Variants in NEMP1 observed in about 807,000 individuals in gnomAD.
NEMP1 encodes nuclear envelope integral membrane protein 1, also known as transmembrane protein 194.
NEMP1 carries 29 observed loss-of-function variants against 53.7 expected under a neutral mutation model. That is an observed-to-expected ratio of 0.54 (90% CI 0.40 to 0.74). NEMP1 has a LOEUF of 0.74. Among genes scored for constraint, NEMP1 ranks in the 30% least tolerant of loss-of-function variants. NEMP1 has a pLI of 0.00. For synonymous variants in NEMP1, 193 were observed against 192.9 expected (o/e 1.00, Z 0.00); for missense variants, 477 against 528.6 (o/e 0.90, Z 0.96).
chr12:57,067,646 T>C (rs1168484489), intron 4 of NEMP1, among the ~76,000 whole-genome samples: 1 of 152,152 alleles, frequency 6.6e-6, no homozygotes, highest in Non-Finnish European at 1.5e-5. Flanking sequence ...TGCCCAAAAC[T>C]TGAGGTCAGA....
At chr12:57,079,588 T>A (rs2136523537), upstream of NEMP1, among the ~76,000 whole-genome samples, 1 of 152,308 alleles carries the variant, frequency 6.6e-6, no homozygotes, top group Non-Finnish European at 1.5e-5. Flanking sequence ...ATTCAATGAT[T>A]TAACACAGGG....
At chr12:57,072,944 C>T in intron 1 of NEMP1, 32 bp from the exon 2 acceptor site, 1 of 1,584,680 alleles carries the variant, frequency 6.3e-7, no homozygotes, top group Non-Finnish European at 8.6e-7. Context: ...AAGAATTAAA[C>T]ATAACAAGCT....
chr12:57,074,353 G>A (rs913787821), intron 1 of NEMP1, among the ~76,000 whole-genome samples: 1 of 145,726 alleles, frequency 6.9e-6, no homozygotes, highest in African/African-American at 2.6e-5. Context: ...ATACAGTGGT[G>A]CGATCTTGGC....
At chr12:57,065,747 C>T (rs1446452530) in intron 4 of NEMP1, among the ~76,000 whole-genome samples, 2 of 151,756 alleles carry the variant, frequency 1.3e-5, no homozygotes, top group Non-Finnish European at 2.9e-5. Context: ...GTGATCTGCC[C>T]GCCTCAGCCT....
chr12:57,086,861 G>A (rs1314582325), intron 1 of NEMP1, among the ~76,000 whole-genome samples: 2 of 152,226 alleles, frequency 1.3e-5, no homozygotes, highest in African/African-American at 2.4e-5. Flanking sequence ...ATAATCTCGG[G>A]TACAGAGACA....
At chr12:57,060,241 G>A (rs2031736588) in intron 8 of NEMP1, among the ~76,000 whole-genome samples, 182 bp from the exon 9 acceptor site, 1 of 152,182 alleles carries the variant, frequency 6.6e-6, no homozygotes, top group Admixed American at 6.5e-5. Context: ...AGGAGAAAAG[G>A]AAAGCTGGGA....
upstream of NEMP1, among the ~76,000 whole-genome samples, chr12:57,079,949 A>ATTGTTG (rs747167133): frequency 1.7e-4 from 26 of 151,160 alleles, no homozygotes; most frequent in African/African-American, 5.6e-4. Flanking sequence ...TGTTTGTTTC[A>ATTGTTG]TTGTTGTTGT....
rs2136471235 is a variant in NEMP1, at chr12:57,056,067, G to A, written c.*3812C>T. The A allele has an allele frequency of 6.6e-6, 1 of 152,328 alleles. No homozygotes were observed. The highest frequency in any genetic ancestry group is 1.9e-4 in the East Asian group (1 of 5,188). The allele number at this position is 152,328 out of a possible 1,614,324, so 9.4% of individuals were successfully genotyped here. Reference sequence around the variant, plus strand: ...CATCAAGAGTGTGAAAGAGGAAGATGACACACACGTGGGATGGTGTGGAAA... The same window carrying A: ...CATCAAGAGTGTGAAAGAGGAAGATAACACACACGTGGGATGGTGTGGAAA... On this transcript the variant is annotated 3_prime_UTR_variant, in exon 9 of 9. Transcript: ENST00000300128.
intron 4 of NEMP1, 76 bp downstream of exon 4, chr12:57,069,158 T>C (rs1463462888): frequency 1.0e-6 from 1 of 973,928 alleles, no homozygotes; most frequent in Non-Finnish European, 1.5e-6. Context: ...GGAATGGCAG[T>C]ACTTAATAGT....
At chr12:57,061,422 A>C (rs1030255300) in intron 7 of NEMP1, among the ~76,000 whole-genome samples, 5 of 152,186 alleles carry the variant, frequency 3.3e-5, no homozygotes, top group Non-Finnish European at 2.9e-5. Context: ...AGCCAGGCAC[A>C]GTGGCTCACG....
chr12:57,078,162 G>A (rs917884649), intron 1 of NEMP1, among the ~76,000 whole-genome samples: 2 of 152,138 alleles, frequency 1.3e-5, no homozygotes, highest in Non-Finnish European at 2.9e-5. Flanking sequence ...AACTACATCC[G>A]TTCTGCCACC....
chr12:57,070,801 A>C lies in NEMP1; in HGVS notation c.345T>G (p.Phe115Leu), dbSNP rs771117321. ...ATTTCTCTTTTAAAAAGGAGGAAAA[A>C]AAGTTCCAGATACTAAACTGCTCTA... ...KELEQFSIWN[F>L]FSSFLKEKLN... is the part of the protein sequence containing the mutation. The change falls in exon 3 of 9, where the codon TTT becomes TTG. Residue 115 changes from phenylalanine (F) to leucine (L), a missense_variant. Coordinates refer to ENST00000300128, the MANE Select transcript of NEMP1 (RefSeq NM_001130963.2). The C allele has an allele frequency of 6.2e-7, 1 of 1,613,958 alleles. No individual in the cohort carries two copies. The highest frequency in any genetic ancestry group is 1.1e-5 in the South Asian group (1 of 91,038).
upstream of NEMP1, among the ~76,000 whole-genome samples, chr12:57,088,351 C>T (rs1359777233): frequency 6.6e-6 from 1 of 152,202 alleles, no homozygotes; most frequent in Admixed American, 6.5e-5. Flanking sequence ...GCGACCCCCT[C>T]AGATTATTCC....
chr12:57,069,557 A>G (rs1194874677), intron 3 of NEMP1, among the ~76,000 whole-genome samples: 2 of 152,146 alleles, frequency 1.3e-5, no homozygotes, highest in Non-Finnish European at 2.9e-5. Context: ...AAAGAAACTC[A>G]AGCTTCGTTT....
chr12:57,067,662 G>A (rs571198301), intron 4 of NEMP1, among the ~76,000 whole-genome samples: 3 of 152,314 alleles, frequency 2.0e-5, no homozygotes, highest in African/African-American at 7.2e-5. Context: ...TCAGAGAACT[G>A]TAGAGACTGA....
upstream of NEMP1, among the ~76,000 whole-genome samples, chr12:57,083,606 A>G (rs2032909199): frequency 6.6e-6 from 1 of 152,256 alleles, no homozygotes; most frequent in Non-Finnish European, 1.5e-5. Context: ...GCACCCAGTA[A>G]TCAAACAAAT....
At chr12:57,087,622 G>T (rs182076460) in intron 1 of NEMP1, among the ~76,000 whole-genome samples, 1 of 152,184 alleles carries the variant, frequency 6.6e-6, no homozygotes, top group Admixed American at 6.5e-5. Flanking sequence ...CTGAGCAACT[G>T]AAATCCTCCC....
chr12:57,070,812 T>A lies in NEMP1; in HGVS notation c.334A>T (p.Ile112Phe), dbSNP rs372400951. The change falls in exon 3 of 9, where the codon ATC (isoleucine) becomes TTC (phenylalanine). Residue 112 changes from isoleucine to phenylalanine, a missense_variant. By Grantham distance (21) the Ile-to-Phe change is conservative. Coordinates refer to ENST00000300128, the MANE Select transcript of NEMP1 (RefSeq NM_001130963.2). ...AAAAAGGAGGAAAAAAAGTTCCAGA[T>A]ACTAAACTGCTCTAGCTCCTTCAGT... ...EKLKELEQFSIWNFFSSFLKE... is the reference protein window; with the variant it reads ...EKLKELEQFSFWNFFSSFLKE... 45 of 1,614,018 alleles carry A rather than the reference T, an allele frequency of 2.8e-5. No individual in the cohort carries two copies. The highest frequency in any genetic ancestry group is 3.8e-5 in the Non-Finnish European group (45 of 1,180,022).
intron 1 of NEMP1, among the ~76,000 whole-genome samples, chr12:57,078,381 G>A (rs980788688): frequency 6.6e-6 from 1 of 151,840 alleles, no homozygotes; most frequent in African/African-American, 2.4e-5. Context: ...TCCTGTCTCC[G>A]CCAAAAGGCT....
Sources: allele counts gnomAD v4.1 joint callset (sites outside exome capture counted in the v4.1 genomes callset), GRCh38; gene constraint gnomAD v4.1.1; transcripts MANE v1.5; gene names NCBI Gene and HGNC (gene_info 2026-07-23, HGNC 2026-07-21).